CYFIP1: variants seen among roughly 807,000 people sequenced by gnomAD.
CYFIP1 encodes the protein cytoplasmic FMR1 interacting protein 1.
CYFIP1 carries 58 observed loss-of-function variants against 163.5 expected under a neutral mutation model. That is an observed-to-expected ratio of 0.35 (90% CI 0.29 to 0.44). The LOEUF (loss-of-function observed/expected upper bound fraction) is 0.44. Among genes scored for constraint, CYFIP1 ranks in the 20% least tolerant of loss-of-function variants. The pLI is 1.00. For missense variants in CYFIP1, 1,338 were observed against 1,653.8 expected, an observed-to-expected ratio of 0.81 and a Z score of 3.31; for synonymous variants, 663 against 660.7, an observed-to-expected ratio of 1.00 and a Z score of -0.05.
chr15:22,928,424 TAAATAAATAAAA>T (rs2061428202), intron 11 of CYFIP1, among the ~76,000 whole-genome samples: 1 of 86,286 alleles, frequency 1.2e-5, no homozygotes, highest in African/African-American at 5.4e-5. Context: ...AATAAATAAA[TAAATAAATAAAA>T]AGAAAATAAG....
chr15:22,923,118 A>G (rs1327175739), intron 13 of CYFIP1, among the ~76,000 whole-genome samples: 1 of 152,194 alleles, frequency 6.6e-6, no homozygotes, highest in Non-Finnish European at 1.5e-5. Context: ...CAGATAAATC[A>G]AACATAATCA....
intron 21 of CYFIP1, chr15:22,904,775 T>A (rs369978760): frequency 2.6e-5 from 4 of 152,134 alleles, no homozygotes; most frequent in African/African-American, 9.7e-5. Context: ...ATTACGCTCG[T>A]AGAAAAAGGC....
At position 22,916,582 on chromosome 15, in the gene CYFIP1, C is replaced by T. The variant is rs2060990629; in HGVS notation, c.1723G>A (p.Gly575Ser). Residue 575 changes from glycine (G) to serine (S), a missense_variant, in exon 16 of 31, where the codon GGT becomes AGT. Coordinates refer to ENST00000617928, the MANE Select transcript of CYFIP1 (RefSeq NM_014608.6). The part of the protein sequence containing the change: ...MLESLIADKS[G>S]SKKTLRSSLE... ...CTACTTCTCAAGGTTTTCTTGGAACCACTTTTGTCTGCAATGAGGGACTCT... is the reference window on the plus strand; with the variant it reads ...CTACTTCTCAAGGTTTTCTTGGAACTACTTTTGTCTGCAATGAGGGACTCT... The T allele has an allele frequency of 3.1e-6, 5 of 1,614,110 alleles. No homozygotes were observed. The Admixed American group carries it at 6.7e-5, about 22-fold the overall frequency.
intron 6 of CYFIP1, among the ~76,000 whole-genome samples, chr15:22,941,868 A>G (rs1731450406): frequency 6.6e-6 from 1 of 151,868 alleles, no homozygotes. Flanking sequence ...ATTGAAAACC[A>G]CCTCCCCCAT....
chr15:22,880,075 G>C, intron 25 of CYFIP1, 32 bp from the exon 26 acceptor site: 1 of 1,612,156 alleles, frequency 6.2e-7, no homozygotes, highest in Non-Finnish European at 8.5e-7. Flanking sequence ...GGGGTTGGGG[G>C]ACTGGAGGGG....
At chr15:22,970,847 C>T (rs59276555) in intron 1 of CYFIP1, among the ~76,000 whole-genome samples, 5 of 152,138 alleles carry the variant, frequency 3.3e-5, no homozygotes, top group Admixed American at 2.0e-4. Context: ...GAGGCCGAGT[C>T]GGGCAGATCA....
At chr15:22,915,740 C>A (rs1303249305) in intron 16 of CYFIP1, among the ~76,000 whole-genome samples, 1 of 152,120 alleles carries the variant, frequency 6.6e-6, no homozygotes, top group African/African-American at 2.4e-5. Flanking sequence ...CAGAGCAAGA[C>A]TTCGTCTCAA....
In CYFIP1 at chr15:22,869,437, A is replaced by G. The variant is rs2059355829; in HGVS notation, c.*591T>C. 1 of 152,194 alleles carries G rather than the reference A, an allele frequency of 6.6e-6. No individual in the cohort carries two copies. The allele number at this position is 152,194 out of a possible 1,614,324, so 9.4% of individuals were successfully genotyped here. A position where few individuals can be genotyped will look rare whatever the true frequency, so the allele number is the denominator to read the frequency against. On this transcript the variant is annotated 3_prime_UTR_variant, in exon 31 of 31. Coordinates refer to ENST00000617928, the MANE Select transcript of CYFIP1 (RefSeq NM_014608.6). ...AGTTCCTTGCCAAGCCAGGCAGCAC[A>G]GGGTTAGAGTAAATAAATGAACACA...
rs139045862 is a variant in CYFIP1, at chr15:22,932,292, C to T, written c.1041G>A (p.Glu347=). ...GGTCCTCGCGGATCTGGATCATCTG[C>T]TCGCAGATGTTGTACTGAGGGCTGC... ...SGSSPQYNIC[E]QMIQIREDHM... The change falls in exon 11 of 31, where the codon GAG becomes GAA. Residue 347 remains glutamate, a synonymous_variant. Coordinates refer to ENST00000617928, the MANE Select transcript of CYFIP1 (RefSeq NM_014608.6). 8.0e-4 allele frequency: 1,291 copies of T among 1,612,968 alleles called. 14 individuals carry two copies. The African/African-American group carries it at 0.015, about 19-fold the overall frequency.
intron 21 of CYFIP1, 31 bp from the exon 22 acceptor site, chr15:22,903,936 G>A (rs1200486113): frequency 6.2e-7 from 1 of 1,606,376 alleles, no homozygotes; most frequent in Non-Finnish European, 8.5e-7. Context: ...GTGGGTGACA[G>A]AGCTGGTCCA....
At chr15:22,914,347 A>G (rs2060897078) in intron 17 of CYFIP1, among the ~76,000 whole-genome samples, 1 of 152,080 alleles carries the variant, frequency 6.6e-6, no homozygotes, top group African/African-American at 2.4e-5. Context: ...CTGAGCTCTC[A>G]ATTCCAGTCT....
intron 8 of CYFIP1, among the ~76,000 whole-genome samples, chr15:22,938,947 A>T (rs940305142): frequency 7.2e-6 from 1 of 139,610 alleles, no homozygotes; most frequent in Admixed American, 7.1e-5. Context: ...AAAAAAAAAA[A>T]AGCTGAGAAT....
In CYFIP1 at chr15:22,934,177, CTTTTTTTTT is replaced by C. The variant is rs1163626431; in HGVS notation, c.901-293_901-285del. On this transcript the variant is annotated intron_variant, in intron 9 of 30. Coordinates refer to ENST00000617928, the MANE Select transcript of CYFIP1 (RefSeq NM_014608.6). ...AAAAAAAAAATCACTGCATTTCTTTCTTTTTTTTTTTTTTTTTTTTTTTTTTTGAGACAG... is the reference window on the plus strand; with the variant it reads ...AAAAAAAAAATCACTGCATTTCTTTCTTTTTTTTTTTTTTTTTTGAGACAG... Among the ~76,000 whole-genome samples, 13 of 66,166 alleles carry C rather than the reference CTTTTTTTTT, an allele frequency of 2.0e-4. No homozygotes were observed. The East Asian group carries it at 2.7e-3, about 14-fold the overall frequency. The allele number at this position is 66,166 out of a possible 152,430, so 43.4% of individuals were successfully genotyped here.
Position 22,917,310 on chromosome 15 carries a change from C to T in CYFIP1, c.1674+478G>A, listed in dbSNP as rs1595595780. The T allele has an allele frequency of 1.5e-6, 2 of 1,326,176 alleles. No homozygotes were observed. Among genetic ancestry groups the T allele is most frequent in the Non-Finnish European group, 1.9e-6 (2 of 1,042,130 alleles). The allele number at this position is 1,326,176 out of a possible 1,614,324, so 82.2% of individuals were successfully genotyped here. ...GACAGACGCAGCGGTGTGGATTAAA[C>T]CGGGTGTGAAAGTCGTGAGAAGCAC... is the stretch of plus-strand genomic sequence containing the variant. On this transcript the variant is annotated intron_variant, in intron 15 of 30. Coordinates refer to ENST00000617928, the MANE Select transcript of CYFIP1 (RefSeq NM_014608.6). The surrounding 1 kb of genome is among the most constrained non-coding windows in gnomAD (Gnocchi z 4.2).
intron 22 of CYFIP1, among the ~76,000 whole-genome samples, chr15:22,902,508 T>A (rs2060428269): frequency 6.6e-6 from 1 of 152,244 alleles, no homozygotes; most frequent in South Asian, 2.1e-4. Context: ...TGATTTCCCA[T>A]TTTTCTATAA....
chr15:22,896,079 G>C (rs1466028832), intron 22 of CYFIP1, among the ~76,000 whole-genome samples: 1 of 152,192 alleles, frequency 6.6e-6, no homozygotes, highest in Non-Finnish European at 1.5e-5. Flanking sequence ...GGTTAGAAGT[G>C]AGGGTGGCCC....
At chr15:22,929,260 C>T (rs1400334409) in intron 11 of CYFIP1, among the ~76,000 whole-genome samples, 1 of 150,984 alleles carries the variant, frequency 6.6e-6, no homozygotes, top group Non-Finnish European at 1.5e-5. Context: ...GTAAGAAGCT[C>T]AAGGGCAAAA....
At chr15:22,882,014 A>C in intron 24 of CYFIP1, 78 bp from the exon 25 acceptor site, 1 of 1,285,096 alleles carries the variant, frequency 7.8e-7, no homozygotes, top group South Asian at 1.2e-5. Flanking sequence ...CATACCCTGA[A>C]ACAAGTCTGT....
chr15:22,917,866 G>A lies in CYFIP1; in HGVS notation c.1596C>T (p.Ala532=). Residue 532 remains alanine, a synonymous_variant, in exon 15 of 31, where the codon GCC becomes GCT. Transcript: ENST00000617928. The surrounding 1 kb of genome is among the most constrained non-coding windows in gnomAD (Gnocchi z 4.2). ...ETGHEPFNDP[A]LRGEKDPKSG... ...TCTTGGGGTCCTTCTCGCCCCGCAA[G>A]GCTGGGTCATTGAAGGGCTCATGCC... 6.2e-7 allele frequency: 1 copy of A among 1,613,938 alleles called. No homozygotes were observed. The highest frequency in any genetic ancestry group is 1.3e-5 in the African/African-American group (1 of 75,036).
Sources: allele counts gnomAD v4.1 joint callset (sites outside exome capture counted in the v4.1 genomes callset), GRCh38; gene constraint gnomAD v4.1.1; non-coding constraint Gnocchi (gnomAD v3.1); transcripts MANE v1.5; gene names NCBI Gene and HGNC (gene_info 2026-07-23, HGNC 2026-07-21).